The following CD99L2 variants were observed in gnomAD, a reference collection of about 807,000 sequenced individuals.
CD99L2 encodes CD99 antigen-like protein 2.
Under a neutral mutation model 27.3 loss-of-function variants are expected in CD99L2, and 24 were observed. The observed-to-expected ratio is 0.88, with a 90% CI of 0.64 to 1.24. CD99L2 has a LOEUF of 1.24. Ranked by LOEUF, CD99L2 falls within the 50% of genes most tolerant of loss-of-function variation. CD99L2 has a pLI of 0.00. For missense variants in CD99L2, 255 were observed against 221.6 expected (o/e 1.15, Z -0.96); for synonymous variants, 97 against 87.9 (o/e 1.10, Z -0.58).
At chrX:150,884,358 A>G (rs782490362) in intron 1 of CD99L2, among the ~76,000 whole-genome samples, 1 of 111,909 alleles carries the variant, frequency 8.9e-6, no homozygotes, top group African/African-American at 3.2e-5. Context: ...GAGAATGGGA[A>G]AGGCAGTTAA....
chrX:150,803,824 C>T (rs1379930926), intron 4 of CD99L2, among the ~76,000 whole-genome samples: 2 of 111,578 alleles, frequency 1.8e-5, no homozygotes, highest in Non-Finnish European at 3.8e-5. Flanking sequence ...CAAAAGAAAA[C>T]ATAAAAAAAA....
chrX:150,821,047 G>A lies in CD99L2; in HGVS notation c.131-4969C>T, dbSNP rs193163768. ...CTAAATTAATGGAATGAAATCCTACGTCCATAGATTACAAGACTCAATACT... is the reference window on the plus strand; with the variant it reads ...CTAAATTAATGGAATGAAATCCTACATCCATAGATTACAAGACTCAATACT... On this transcript the variant is annotated intron_variant, in intron 2 of 10. Transcript: ENST00000370377. Among the ~76,000 whole-genome samples the A allele has an allele frequency of 3.6e-5, 4 of 111,807 alleles. No individual in the cohort carries two copies. The East Asian group carries it at 1.1e-3, about 31-fold the overall frequency.
intron 4 of CD99L2, among the ~76,000 whole-genome samples, chrX:150,804,309 C>T (rs1317009436): frequency 8.9e-6 from 1 of 112,053 alleles, no homozygotes; most frequent in Non-Finnish European, 1.9e-5. Flanking sequence ...GAACAACCAA[C>T]GGGTCAAAGA....
chrX:150,770,184 TG>T, intron 10 of CD99L2, 119 bp downstream of exon 10: 1 of 677,054 alleles, frequency 1.5e-6, no homozygotes, highest in Non-Finnish European at 2.3e-6. Flanking sequence ...GCTTTTGCTC[TG>T]GCCGGACATT....
chrX:150,885,826 C>T (rs1041304059), intron 1 of CD99L2, among the ~76,000 whole-genome samples: 1 of 112,368 alleles, frequency 8.9e-6, no homozygotes, highest in African/African-American at 3.2e-5. Context: ...AAATTTTTGG[C>T]TCATTTTGCT....
Position 150,868,128 on chromosome X carries a change from T to A in CD99L2, c.67+30394A>T, listed in dbSNP as rs782141046. Among the ~76,000 whole-genome samples the A allele has an allele frequency of 5.1e-3, 525 of 103,442 alleles. 6 individuals are homozygous for A. Among genetic ancestry groups the A allele is most frequent in the Middle Eastern group, 0.015 (3 of 194 alleles). 89.8% of individuals were successfully genotyped at this position (103,442 alleles called of 115,157 possible). ...AATAATAATAATAATAATAATAATA[T>A]ATTGTATGGTGCCCACATTAGTGTA... On this transcript the variant is annotated intron_variant, in intron 1 of 10. Coordinates refer to ENST00000370377, the MANE Select transcript of CD99L2 (RefSeq NM_031462.4).
intron 4 of CD99L2, among the ~76,000 whole-genome samples, chrX:150,806,934 T>C (rs1451541139): frequency 9.0e-6 from 1 of 111,051 alleles, no homozygotes; most frequent in African/African-American, 3.3e-5. Flanking sequence ...AGGAATGAGA[T>C]GGTATACACA....
intron 4 of CD99L2, among the ~76,000 whole-genome samples, chrX:150,811,440 CCA>C (rs1480407449): frequency 9.0e-6 from 1 of 111,203 alleles, no homozygotes; most frequent in African/African-American, 3.3e-5. Context: ...AAAGAAAAGC[CCA>C]GAGTCAAATG....
intron 1 of CD99L2, among the ~76,000 whole-genome samples, chrX:150,890,565 G>C (rs1557422782): frequency 8.9e-6 from 1 of 111,939 alleles, no homozygotes; most frequent in Non-Finnish European, 1.9e-5. Flanking sequence ...GTTGAAGTGG[G>C]AGTGGGGGAT....
chrX:150,850,089 G>A (rs959833224), intron 1 of CD99L2, among the ~76,000 whole-genome samples: 8 of 111,717 alleles, frequency 7.2e-5, no homozygotes, highest in Middle Eastern at 4.6e-3. Context: ...GATGTTCTGA[G>A]GACACAACAA....
intron 8 of CD99L2, among the ~76,000 whole-genome samples, 154 bp from the exon 9 acceptor site, chrX:150,776,447 G>A (rs1603285583): frequency 1.8e-5 from 2 of 111,669 alleles, no homozygotes; most frequent in Admixed American, 9.4e-5. Context: ...ACAGATCTAC[G>A]GCATTACAAA....
Position 150,776,141 on chromosome X carries a change from G to T in CD99L2, c.655+33C>A, listed in dbSNP as rs1164231924. On this transcript the variant is annotated intron_variant, in intron 9 of 10. Coordinates refer to ENST00000370377, the MANE Select transcript of CD99L2 (RefSeq NM_031462.4). ...TTTCCCTCCAAAGACCTTGCCAGCT[G>T]GTTCCTAGCCACGAGTGGGTGGCTG... is the stretch of plus-strand genomic sequence containing the variant. The T allele has an allele frequency of 5.8e-6, 7 of 1,203,304 alleles. No homozygotes were observed. In the Admixed American group the frequency reaches 1.1e-4, roughly 19 times the overall value.
At chrX:150,834,776 G>A (rs983456904) in intron 1 of CD99L2, among the ~76,000 whole-genome samples, 4 of 112,302 alleles carry the variant, frequency 3.6e-5, no homozygotes, top group African/African-American at 9.7e-5. Flanking sequence ...ATTTTAAAGA[G>A]ATATCTGTAC....
chrX:150,878,989 T>C (rs1557422408), intron 1 of CD99L2, among the ~76,000 whole-genome samples: 1 of 112,181 alleles, frequency 8.9e-6, no homozygotes, highest in Non-Finnish European at 1.9e-5. Flanking sequence ...TTAAGGACTT[T>C]CTTATATACA....
intron 2 of CD99L2, among the ~76,000 whole-genome samples, chrX:150,824,516 GGAAGAAGAAA>G (rs1459348026): frequency 1.1e-5 from 1 of 91,166 alleles, no homozygotes; most frequent in Admixed American, 1.3e-4. Flanking sequence ...GAAGAAGGAA[GGAAGAAGAAA>G]GAAGAAGAAA....
intron 2 of CD99L2, 106 bp downstream of exon 2, chrX:150,831,125 C>T: frequency 2.9e-6 from 2 of 692,264 alleles, no homozygotes; most frequent in South Asian, 5.5e-5. Context: ...CATATTTCAT[C>T]TGATCAAGTA....
At chrX:150,804,008 A>G (rs1443988767) in intron 4 of CD99L2, among the ~76,000 whole-genome samples, 1 of 112,409 alleles carries the variant, frequency 8.9e-6, no homozygotes, top group Non-Finnish European at 1.9e-5. Flanking sequence ...TCATCCAGAC[A>G]GAAAAATCAA....
At chrX:150,822,420 T>C (rs2046256006) in intron 2 of CD99L2, among the ~76,000 whole-genome samples, 1 of 111,832 alleles carries the variant, frequency 8.9e-6, no homozygotes, top group Non-Finnish European at 1.9e-5. Flanking sequence ...TGTGAAGTGA[T>C]GGAAATGTTT....
chrX:150,860,314 T>C (rs1172679438), intron 1 of CD99L2, among the ~76,000 whole-genome samples: 4 of 121 alleles, frequency 0.033, no homozygotes, highest in Admixed American at 0.2. Flanking sequence ...AGAAGAAACA[T>C]ACGTTCAAAA....
Sources: gnomAD v4.1 joint callset for allele counts (sites outside exome capture counted in the v4.1 genomes callset) on GRCh38, gnomAD v4.1.1 for gene constraint, MANE v1.5 for transcripts, NCBI Gene and HGNC (gene_info 2026-07-23, HGNC 2026-07-21) for gene names.